DCLK1: variants seen among roughly 807,000 people sequenced by gnomAD.
DCLK1 encodes the protein serine/threonine-protein kinase DCLK1.
In DCLK1, 16 loss-of-function variants were observed where a neutral mutation model predicts 86.2. That is an observed-to-expected ratio of 0.19 (90% CI 0.13 to 0.28). The LOEUF (loss-of-function observed/expected upper bound fraction) is 0.28. DCLK1 is among the 10% of genes least tolerant of loss of function. The pLI is 1.00. For missense variants in DCLK1, 590 were observed against 940.2 expected, an observed-to-expected ratio of 0.63 and a Z score of 4.87; for synonymous variants, 369 against 370.5, an observed-to-expected ratio of 1.00 and a Z score of 0.05.
At chr13:35,992,383 T>C (rs564040780) in intron 3 of DCLK1, among the ~76,000 whole-genome samples, 5 of 151,934 alleles carry the variant, frequency 3.3e-5, no homozygotes, top group African/African-American at 1.2e-4. Flanking sequence ...TGCAACATGT[T>C]GACAGTACTA....
intron 16 of DCLK1, among the ~76,000 whole-genome samples, chr13:35,775,507 A>T (rs1408141761): frequency 6.6e-6 from 1 of 152,194 alleles, no homozygotes; most frequent in South Asian, 2.1e-4. Flanking sequence ...TTATCATGAC[A>T]TCAGAATGGG....
chr13:35,830,717 G>A (rs994067086), intron 8 of DCLK1, among the ~76,000 whole-genome samples: 6 of 152,180 alleles, frequency 3.9e-5, no homozygotes, highest in African/African-American at 1.4e-4. Flanking sequence ...TGCCTGCCTG[G>A]GTAACCATCA....
intron 15 of DCLK1, among the ~76,000 whole-genome samples, chr13:35,802,442 C>A (rs2086941094): frequency 6.6e-6 from 1 of 151,834 alleles, no homozygotes. Context: ...TGTCTAGTTT[C>A]TTCTGTGTGG....
intron 4 of DCLK1, among the ~76,000 whole-genome samples, chr13:35,920,041 T>C (rs1349371014): frequency 3.3e-5 from 5 of 152,144 alleles, no homozygotes; most frequent in Non-Finnish European, 5.9e-5. Flanking sequence ...CCAGATTAAT[T>C]TTCTTAAATT....
chr13:35,862,032 CAAAAAA>C (rs36091477), intron 5 of DCLK1, among the ~76,000 whole-genome samples: 1 of 71,140 alleles, frequency 1.4e-5, no homozygotes, highest in Non-Finnish European at 2.6e-5. Context: ...GACTCCGTCT[CAAAAAA>C]AAAAAAAAAA....
At chr13:36,076,903 A>G (rs1360638511) in intron 3 of DCLK1, among the ~76,000 whole-genome samples, 1 of 152,236 alleles carries the variant, frequency 6.6e-6, no homozygotes, top group East Asian at 1.9e-4. Context: ...CTTCTTTCAC[A>G]TATTTTAAAG....
chr13:36,064,145 G>C (rs1390509068), intron 3 of DCLK1, among the ~76,000 whole-genome samples: 1 of 152,146 alleles, frequency 6.6e-6, no homozygotes, highest in Non-Finnish European at 1.5e-5. Flanking sequence ...CTATGCACAA[G>C]ATTTTTATTA....
chr13:35,942,797 C>T (rs180931424), intron 4 of DCLK1, among the ~76,000 whole-genome samples: 2 of 152,294 alleles, frequency 1.3e-5, no homozygotes, highest in African/African-American at 4.8e-5. Context: ...GACAGCATTC[C>T]TCTGATCCAT....
At chr13:36,059,212 A>C (rs942787292) in intron 3 of DCLK1, among the ~76,000 whole-genome samples, 1 of 152,152 alleles carries the variant, frequency 6.6e-6, no homozygotes, top group African/African-American at 2.4e-5. Flanking sequence ...GCGCCTCAGG[A>C]AAGTGCCATT....
intron 3 of DCLK1, among the ~76,000 whole-genome samples, chr13:36,105,817 T>C (rs1289381247): frequency 6.6e-6 from 1 of 152,206 alleles, no homozygotes; most frequent in African/African-American, 2.4e-5. Context: ...TTTTGTTTGT[T>C]TGTTGCAGGG....
At chr13:36,019,430 CAG>C (rs71706917) in intron 3 of DCLK1, among the ~76,000 whole-genome samples, 2,542 of 152,276 alleles carry the variant, frequency 0.017, 32 homozygotes, top group Middle Eastern at 0.082. Flanking sequence ...ATTATTTATC[CAG>C]AGTCTTATCA....
At chr13:35,992,251 C>T (rs1593798810) in intron 3 of DCLK1, among the ~76,000 whole-genome samples, 1 of 152,146 alleles carries the variant, frequency 6.6e-6, no homozygotes, top group Admixed American at 6.5e-5. Flanking sequence ...ACTTCAGAGA[C>T]AAATGATCCC....
At chr13:36,106,062 C>A (rs1885384525) in intron 3 of DCLK1, among the ~76,000 whole-genome samples, 1 of 152,188 alleles carries the variant, frequency 6.6e-6, no homozygotes, top group Non-Finnish European at 1.5e-5. Flanking sequence ...CAGTGGAACA[C>A]TAAGAGAACT....
intron 16 of DCLK1, among the ~76,000 whole-genome samples, chr13:35,778,490 C>T (rs1382030347): frequency 1.3e-5 from 2 of 152,172 alleles, no homozygotes; most frequent in African/African-American, 2.4e-5. Flanking sequence ...GACCCTACTC[C>T]TATCTCTGGG....
chr13:36,061,648 AAT>A (rs1036140420), intron 3 of DCLK1, among the ~76,000 whole-genome samples: 70 of 152,308 alleles, frequency 4.6e-4, no homozygotes, highest in African/African-American at 1.6e-3. Flanking sequence ...AAATGGCAAA[AAT>A]AGTTTCTAGT....
intron 3 of DCLK1, among the ~76,000 whole-genome samples, chr13:35,971,193 T>C (rs184081363): frequency 2.6e-3 from 394 of 152,330 alleles, no homozygotes; most frequent in Non-Finnish European, 3.6e-3. Context: ...TAGTCTGTTA[T>C]CAGGATACCA....
chr13:35,970,798 C>A (rs1204889106), intron 3 of DCLK1, among the ~76,000 whole-genome samples: 1 of 152,128 alleles, frequency 6.6e-6, no homozygotes, highest in Admixed American at 6.5e-5. Flanking sequence ...ATAAAATGAA[C>A]TAAGACAATT....
Position 35,975,646 on chromosome 13 carries a change from G to A in DCLK1, c.724-28189C>T, listed in dbSNP as rs568576781. ...AGGAGGAGGCACGACTGTGCCCTGA[G>A]CACGGGGATGAGTTTTCCCTAGGAA... On this transcript the variant is annotated intron_variant, in intron 3 of 16. Transcript: ENST00000360631. Among the ~76,000 whole-genome samples the A allele has an allele frequency of 3.3e-5, 5 of 152,058 alleles. No individual in the cohort carries two copies. The South Asian group carries it at 1.0e-3, about 32-fold the overall frequency.
chr13:35,928,987 T>C (rs937774582), intron 4 of DCLK1, among the ~76,000 whole-genome samples: 3 of 152,182 alleles, frequency 2.0e-5, no homozygotes, highest in Admixed American at 2.0e-4. Context: ...TGGAGTGCAG[T>C]GGCATGATCT....
Sources: gnomAD v4.1 joint callset for allele counts (sites outside exome capture counted in the v4.1 genomes callset) on GRCh38, gnomAD v4.1.1 for gene constraint, MANE v1.5 for transcripts, NCBI Gene and HGNC (gene_info 2026-07-23, HGNC 2026-07-21) for gene names.